The following NOD1 variants were observed in gnomAD, a reference collection of about 807,000 sequenced individuals.
NOD1 encodes the protein nucleotide-binding oligomerization domain-containing protein 1.
NOD1 carries 70 observed loss-of-function variants against 81.2 expected under a neutral mutation model. That is an observed-to-expected ratio of 0.86 (90% CI 0.71 to 1.05). NOD1 has a LOEUF of 1.05. NOD1 is among the 50% of genes least tolerant of loss of function. The pLI is 0.00. For missense variants in NOD1, 1,233 were observed against 1,228.0 expected (o/e 1.00, Z -0.06); for synonymous variants, 508 against 526.9 (o/e 0.96, Z 0.49).
chr7:30,451,893 A>AC lies in NOD1; in HGVS notation c.1523dup (p.Asp509Ter). 1.9e-6 allele frequency: 3 copies of AC among 1,613,126 alleles called. No individual in the cohort carries two copies. Among genetic ancestry groups the AC allele is most frequent in the Non-Finnish European group, 2.5e-6 (3 of 1,179,916 alleles). ...GGAAAAACTCATAGGACTGCTGGTC[A>AC]CCCCCGGGGCCCAGCTCCGGCAAAG... On this transcript the variant is annotated frameshift_variant, in exon 6 of 14. Transcript: ENST00000222823. LOFTEE classifies it high-confidence loss of function. The surrounding 1 kb of genome is among the most constrained non-coding windows in gnomAD (Gnocchi z 4.2).
intron 11 of NOD1, 78 bp downstream of exon 11, chr7:30,435,920 T>C (rs1784340413): frequency 8.4e-7 from 1 of 1,188,646 alleles, no homozygotes; most frequent in Non-Finnish European, 1.2e-6. Context: ...ATCACACCAA[T>C]GCACTCAAGC....
chr7:30,473,656 C>T (rs986286118), intron 1 of NOD1, among the ~76,000 whole-genome samples: 1 of 152,118 alleles, frequency 6.6e-6, no homozygotes, highest in Non-Finnish European at 1.5e-5. Context: ...ACTTTCACTT[C>T]CTAAGTAAGC....
chr7:30,471,229 T>C (rs111365938), intron 1 of NOD1, among the ~76,000 whole-genome samples: 52 of 152,044 alleles, frequency 3.4e-4, no homozygotes, highest in African/African-American at 1.2e-3. Flanking sequence ...CATTAAGAGG[T>C]TGAGAAGATG....
rs192674538 is a variant in NOD1 at position 30,427,014 on chromosome 7, T to C, written c.2790-1304A>G. ...AAATAATTACGCAAATGATTTTTTC[T>C]TTAATGTGCTTCTCCCTTTCTAGAC... On this transcript the variant is annotated intron_variant, in intron 13 of 13. Coordinates refer to ENST00000222823, the MANE Select transcript of NOD1 (RefSeq NM_006092.4). Among the ~76,000 whole-genome samples the C allele has an allele frequency of 1.7e-4, 26 of 152,348 alleles. 1 individual carries two copies. The highest frequency in any genetic ancestry group is 1.5e-3 in the Admixed American group (23 of 15,304).
At chr7:30,474,437 A>T (rs1788567587) in intron 1 of NOD1, among the ~76,000 whole-genome samples, 1 of 152,216 alleles carries the variant, frequency 6.6e-6, no homozygotes, top group Non-Finnish European at 1.5e-5. Context: ...GGCACGAGGA[A>T]CTGGTTTCAT....
At chr7:30,466,365 T>C (rs1019354133) in intron 1 of NOD1, among the ~76,000 whole-genome samples, 15 of 143,614 alleles carry the variant, frequency 1.0e-4, no homozygotes, top group Non-Finnish European at 1.7e-4. Context: ...CAATGTGCAA[T>C]TTTTTTTTTT....
chr7:30,460,191 G>A (rs1786875949), intron 1 of NOD1, 150 bp from the exon 2 acceptor site: 1 of 967,642 alleles, frequency 1.0e-6, no homozygotes. Context: ...AGGGAAAGCA[G>A]AGAAACTGAA....
At position 30,477,512 on chromosome 7, in the gene NOD1, T is replaced by TG. The variant is rs1554325078; in HGVS notation, c.-352+1093_-352+1094insC. Among the ~76,000 whole-genome samples, 19 of 152,132 alleles carry TG rather than the reference T, an allele frequency of 1.2e-4. No homozygotes were observed. The East Asian group carries it at 1.4e-3, about 11-fold the overall frequency. Reference sequence around the variant, plus strand: ...CTTCTGGCTTCACCGTTTTTTTGTTTTTTGTTTGTTTGTTTGTTTTTGACG... The same window carrying TG: ...CTTCTGGCTTCACCGTTTTTTTGTTTGTTTGTTTGTTTGTTTGTTTTTGACG... On this transcript the variant is annotated intron_variant, in intron 1 of 13. Transcript: ENST00000222823.
rs540070013 is a variant in NOD1 at position 30,429,236 on chromosome 7, A to T, written c.2789+138T>A. On this transcript the variant is annotated intron_variant, in intron 13 of 13. Transcript: ENST00000222823. ...GGTCTGGGCCTCTGTCTACCTCTGT[A>T]AAACAGAGGTAATACCATTACTGTG... is the stretch of plus-strand genomic sequence containing the variant. 68 of 764,760 alleles carry T rather than the reference A, an allele frequency of 8.9e-5. No homozygotes were observed. In the African/African-American group the frequency reaches 9.9e-4, roughly 11 times the overall value. 47.4% of individuals were successfully genotyped at this position (764,760 alleles called of 1,614,324 possible).
intron 1 of NOD1, 196 bp from the exon 2 acceptor site, chr7:30,460,237 A>G: frequency 1.0e-6 from 1 of 985,430 alleles, no homozygotes; most frequent in Non-Finnish European, 1.2e-6. Context: ...GGGTAGACCA[A>G]AACCATACCA....
chr7:30,428,800 TG>T (rs1783691099), intron 13 of NOD1, among the ~76,000 whole-genome samples: 1 of 151,960 alleles, frequency 6.6e-6, no homozygotes. Flanking sequence ...AGCTGCTGAG[TG>T]GGGAGTGTCT....
chr7:30,455,829 T>C (rs1319928560), intron 4 of NOD1, among the ~76,000 whole-genome samples: 3 of 152,122 alleles, frequency 2.0e-5, no homozygotes, highest in Non-Finnish European at 2.9e-5. Flanking sequence ...CTCAAACTCC[T>C]GACCTTAGGT....
intron 1 of NOD1, among the ~76,000 whole-genome samples, chr7:30,473,522 C>G (rs1445204229): frequency 6.6e-6 from 1 of 152,176 alleles, no homozygotes; most frequent in African/African-American, 2.4e-5. Context: ...GCAACCCACT[C>G]TAATAATGTT....
At chr7:30,436,776 G>A (rs1476287463) in intron 10 of NOD1, among the ~76,000 whole-genome samples, 1 of 152,190 alleles carries the variant, frequency 6.6e-6, no homozygotes, top group Admixed American at 6.5e-5. Context: ...GCTGGTGTGG[G>A]ACACATGCAG....
At chr7:30,469,261 A>G (rs766418285) in intron 1 of NOD1, 36 of 984,180 alleles carry the variant, frequency 3.7e-5, no homozygotes, top group African/African-American at 1.2e-4. Flanking sequence ...TGAAGCTACA[A>G]TTATTATTGG....
At chr7:30,475,160 G>A (rs2128110821) in intron 1 of NOD1, among the ~76,000 whole-genome samples, 1 of 152,320 alleles carries the variant, frequency 6.6e-6, no homozygotes, top group East Asian at 1.9e-4. Context: ...TCTCAGCTCT[G>A]CTATCATGTA....
rs1417162130 is a variant in NOD1 at position 30,451,226 on chromosome 7, T to G, written c.2191A>C (p.Thr731Pro). The change falls in exon 6 of 14, where the codon ACT becomes CCT. Residue 731 changes from threonine (T) to proline (P), a missense_variant. By Grantham distance (38) the Thr-to-Pro change is conservative. Transcript: ENST00000222823. The surrounding 1 kb of genome is among the most constrained non-coding windows in gnomAD (Gnocchi z 4.2). ...RELQPCFSRL[T>P]VLRLSVNQIT... Reference sequence around the variant, plus strand: ...GCCTGGCAGCCTCACCTGAGAACAGTGAGGCGGCTGAAGCAGGGCTGCAGC... The same window carrying G: ...GCCTGGCAGCCTCACCTGAGAACAGGGAGGCGGCTGAAGCAGGGCTGCAGC... 1.2e-6 allele frequency: 2 copies of G among 1,612,730 alleles called. No homozygotes were observed. The highest frequency in any genetic ancestry group is 1.7e-6 in the Non-Finnish European group (2 of 1,179,356).
chr7:30,429,257 C>T, intron 13 of NOD1, 117 bp downstream of exon 13: 1 of 854,036 alleles, frequency 1.2e-6, no homozygotes, highest in Non-Finnish European at 2.0e-6. Flanking sequence ...AATACCATTA[C>T]TGTGCAGGGT....
rs561573157 is a variant in NOD1, at chr7:30,425,193, G to A, written c.*445C>T. On this transcript the variant is annotated 3_prime_UTR_variant, in exon 14 of 14. Transcript: ENST00000222823. ...GGTATAATACTAATCCATCAAACAC[G>A]TTTTATTCAAGAAGCTTGGCACCAA... The A allele has an allele frequency of 2.7e-4, 51 of 187,192 alleles. No individual in the cohort carries two copies. The highest frequency in any genetic ancestry group is 1.1e-3 in the African/African-American group (47 of 42,290). 11.6% of individuals were successfully genotyped at this position (187,192 alleles called of 1,614,324 possible).
Sources: gnomAD v4.1 joint callset for allele counts (sites outside exome capture counted in the v4.1 genomes callset) on GRCh38, gnomAD v4.1.1 for gene constraint, Gnocchi (gnomAD v3.1) non-coding constraint, MANE v1.5 for transcripts, NCBI Gene and HGNC (gene_info 2026-07-23, HGNC 2026-07-21) for gene names.